TLE4: variants seen among roughly 807,000 people sequenced by gnomAD.
TLE4 encodes the protein TLE family member 4, transcriptional corepressor.
In TLE4, 8 loss-of-function variants were observed where a neutral mutation model predicts 92.8. That is an observed-to-expected ratio of 0.09 (90% CI 0.05 to 0.16). The LOEUF is 0.16. TLE4 is among the 10% of genes least tolerant of loss of function. The pLI is 1.00. For synonymous variants in TLE4, 371 were observed against 374.1 expected (o/e 0.99, Z 0.10); for missense variants, 675 against 997.6 (o/e 0.68, Z 4.36).
chr9:79,594,818 T>C (rs1359914674), intron 4 of TLE4, among the ~76,000 whole-genome samples: 1 of 152,222 alleles, frequency 6.6e-6, no homozygotes, highest in Non-Finnish European at 1.5e-5. Context: ...TTTGTTCTCA[T>C]GCATGTACAT....
chr9:79,639,904 C>CTATGTTAATGTCATGACT (rs1482149281), intron 6 of TLE4, among the ~76,000 whole-genome samples: 6 of 152,016 alleles, frequency 3.9e-5, no homozygotes, highest in Admixed American at 3.9e-4. Context: ...ATATATATTT[C>CTATGTTAATGTCATGACT]TATGTTAATG....
chr9:79,639,924 A>G (rs1211171003), intron 6 of TLE4, among the ~76,000 whole-genome samples: 1 of 152,190 alleles, frequency 6.6e-6, no homozygotes, highest in Non-Finnish European at 1.5e-5. Context: ...GTCATGACTT[A>G]TGTATATCAA....
intron 5 of TLE4, among the ~76,000 whole-genome samples, chr9:79,624,134 GT>G (rs1214325457): frequency 1.4e-5 from 2 of 142,008 alleles, no homozygotes; most frequent in African/African-American, 5.3e-5. Flanking sequence ...AAAACTTGCT[GT>G]TTTTTTCTGA....
chr9:79,585,814 T>TC (rs1394799585), intron 4 of TLE4, among the ~76,000 whole-genome samples: 1 of 152,234 alleles, frequency 6.6e-6, no homozygotes, highest in East Asian at 1.9e-4. Context: ...TCCTTTTTTT[T>TC]CATGTAAACC....
At chr9:79,676,161 C>T (rs2063221884) in intron 8 of TLE4, among the ~76,000 whole-genome samples, 2 of 152,040 alleles carry the variant, frequency 1.3e-5, no homozygotes, top group African/African-American at 4.8e-5. Context: ...CTGTTAATTG[C>T]CAGTCATGTT....
chr9:79,677,864 C>G (rs1034230481), intron 8 of TLE4, among the ~76,000 whole-genome samples: 1 of 152,010 alleles, frequency 6.6e-6, no homozygotes, highest in African/African-American at 2.4e-5. Flanking sequence ...GTAAGAGATT[C>G]TACACATTTA....
chr9:79,592,183 C>CTCTTCTTCTTCTTCT (rs57278935), intron 4 of TLE4, among the ~76,000 whole-genome samples: 418 of 135,350 alleles, frequency 3.1e-3, no homozygotes, highest in Middle Eastern at 0.019. Context: ...CTTCCTCTTC[C>CTCTTCTTCTTCTTCT]TCTTCTTCTT....
At chr9:79,624,698 C>G (rs1392246375) in intron 5 of TLE4, among the ~76,000 whole-genome samples, 1 of 152,154 alleles carries the variant, frequency 6.6e-6, no homozygotes, top group Non-Finnish European at 1.5e-5. Context: ...GGAAAGATAT[C>G]CCCTGCTGCC....
intron 8 of TLE4, among the ~76,000 whole-genome samples, chr9:79,670,076 A>G (rs1005046093): frequency 4.6e-5 from 7 of 152,156 alleles, no homozygotes; most frequent in African/African-American, 1.4e-4. Context: ...AGTAGTTGGT[A>G]GTTCTTCCAG....
chr9:79,577,553 T>G (rs1258914446), intron 4 of TLE4, among the ~76,000 whole-genome samples: 1 of 152,214 alleles, frequency 6.6e-6, no homozygotes, highest in African/African-American at 2.4e-5. Flanking sequence ...CAAAATCTGT[T>G]CAATCTTGTG....
chr9:79,714,018 A>T (rs1332025476), intron 14 of TLE4, among the ~76,000 whole-genome samples: 1 of 151,790 alleles, frequency 6.6e-6, no homozygotes, highest in East Asian at 1.9e-4. Context: ...CACATGCGCC[A>T]CCACACCTGG....
chr9:79,606,459 T>C (rs933152990), intron 4 of TLE4, among the ~76,000 whole-genome samples: 3 of 151,132 alleles, frequency 2.0e-5, no homozygotes, highest in South Asian at 4.2e-4. Context: ...ATATGTGCCA[T>C]GTGGTTTGCT....
chr9:79,636,990 G>A (rs551920726), intron 6 of TLE4, among the ~76,000 whole-genome samples: 11 of 134,988 alleles, frequency 8.1e-5, no homozygotes, highest in African/African-American at 2.6e-4. Flanking sequence ...AAAAGGAAGC[G>A]CATGGACTGG....
At chr9:79,649,994 C>A (rs2058699928) in intron 6 of TLE4, 1 of 690,554 alleles carries the variant, frequency 1.4e-6, no homozygotes, top group Non-Finnish European at 2.1e-6. Context: ...TGGCTCACTG[C>A]AGCCATGACC....
At position 79,660,855 on chromosome 9, in the gene TLE4, G is replaced by A. The variant is rs577193981; in HGVS notation, c.609+6780G>A. 5.3e-5 allele frequency among the ~76,000 whole-genome samples: 8 copies of A among 152,300 alleles called. No homozygotes were observed. The South Asian group carries it at 1.0e-3, about 20-fold the overall frequency. ...TGATGTGAGTGACTCGGGGAGACACGCTTGTTTTGCAGCACCCTCCTCCGC... is the reference window on the plus strand; with the variant it reads ...TGATGTGAGTGACTCGGGGAGACACACTTGTTTTGCAGCACCCTCCTCCGC... On this transcript the variant is annotated intron_variant, in intron 8 of 19. Coordinates refer to ENST00000376552, the MANE Select transcript of TLE4 (RefSeq NM_007005.6).
chr9:79,684,517 A>T (rs2135378003), intron 8 of TLE4, among the ~76,000 whole-genome samples: 1 of 151,910 alleles, frequency 6.6e-6, no homozygotes, highest in East Asian at 1.9e-4. Flanking sequence ...TCTAGGTTGT[A>T]CACTTCTTAT....
intron 4 of TLE4, among the ~76,000 whole-genome samples, chr9:79,609,338 C>A (rs1284907013): frequency 6.6e-6 from 1 of 151,986 alleles, no homozygotes; most frequent in East Asian, 1.9e-4. Flanking sequence ...TCGTAGAATG[C>A]CTTTTTTGTC....
chr9:79,606,187 GTTTTTTTT>G (rs71364420), intron 4 of TLE4, among the ~76,000 whole-genome samples: 33 of 28,706 alleles, frequency 1.1e-3, no homozygotes, highest in African/African-American at 3.3e-3. Context: ...AGTAGTAGTT[GTTTTTTTT>G]TTTTTTTTTT....
At chr9:79,696,654 A>G (rs75465794) in intron 8 of TLE4, among the ~76,000 whole-genome samples, 1 of 141,670 alleles carries the variant, frequency 7.1e-6, no homozygotes, top group African/African-American at 2.8e-5. Flanking sequence ...AGTTTACTGG[A>G]AAAAAAAAAT....
Sources: gnomAD v4.1 joint callset for allele counts (sites outside exome capture counted in the v4.1 genomes callset) on GRCh38, gnomAD v4.1.1 for gene constraint, MANE v1.5 for transcripts, NCBI Gene and HGNC (gene_info 2026-07-23, HGNC 2026-07-21) for gene names.